PRKG1: variants seen among roughly 807,000 people sequenced by gnomAD.
The protein encoded by PRKG1 is protein kinase cGMP-dependent 1.
PRKG1 carries 35 observed loss-of-function variants against 88.1 expected under a neutral mutation model. The observed-to-expected ratio is 0.40, with a 90% CI of 0.30 to 0.53. The LOEUF (loss-of-function observed/expected upper bound fraction) is 0.53. PRKG1 is among the 20% of genes least tolerant of loss of function. The pLI, the probability that PRKG1 is intolerant of heterozygous loss-of-function variation, is 0.59. For missense variants in PRKG1, 540 were observed against 839.8 expected (o/e 0.64, Z 4.41); for synonymous variants, 303 against 292.5 (o/e 1.04, Z -0.37).
rs1056705680 is a variant in PRKG1, at chr10:51,652,233, C to T, written c.593-152352C>T. ...CCTTTGATAGTTAACGAAAGGATTC[C>T]GATATAATAGCACTAATGGAATGAT... On this transcript the variant is annotated intron_variant, in intron 3 of 17. Transcript: ENST00000373980. Among the ~76,000 whole-genome samples the T allele has an allele frequency of 5.9e-5, 9 of 151,324 alleles. No individual in the cohort carries two copies. In the South Asian group the frequency reaches 8.3e-4, roughly 14 times the overall value.
At chr10:51,119,459 G>C (rs1845210340) in intron 1 of PRKG1, among the ~76,000 whole-genome samples, 1 of 151,906 alleles carries the variant, frequency 6.6e-6, no homozygotes, top group Admixed American at 6.6e-5. Flanking sequence ...TAGACTCATG[G>C]TACAGATGTG....
intron 2 of PRKG1, among the ~76,000 whole-genome samples, chr10:51,368,137 T>C (rs921833778): frequency 1.3e-5 from 2 of 152,080 alleles, no homozygotes; most frequent in African/African-American, 4.8e-5. Flanking sequence ...CTAATATTCC[T>C]AGCTACAAAT....
chr10:51,982,049 T>C (rs1810864919), intron 5 of PRKG1, among the ~76,000 whole-genome samples: 1 of 152,222 alleles, frequency 6.6e-6, no homozygotes, highest in Non-Finnish European at 1.5e-5. Context: ...GACTGTCTTA[T>C]TTCAGAGAGC....
At chr10:51,852,675 T>C (rs763215976) in intron 4 of PRKG1, among the ~76,000 whole-genome samples, 20 of 152,144 alleles carry the variant, frequency 1.3e-4, no homozygotes, top group Non-Finnish European at 2.6e-4. Flanking sequence ...ATATATACCA[T>C]ATAAATTAAA....
intron 1 of PRKG1, among the ~76,000 whole-genome samples, chr10:51,116,976 G>A (rs1051764166): frequency 2.6e-5 from 4 of 152,168 alleles, no homozygotes; most frequent in Non-Finnish European, 4.4e-5. Flanking sequence ...GGAATCATAA[G>A]AGGGAATGGG....
intron 5 of PRKG1, among the ~76,000 whole-genome samples, chr10:51,934,326 T>C (rs761232311): frequency 2.0e-5 from 3 of 149,982 alleles, no homozygotes; most frequent in Non-Finnish European, 4.5e-5. Context: ...TCAGCCAAAG[T>C]GCAATGTGCA....
chr10:51,778,182 A>T (rs1488938204), intron 3 of PRKG1, among the ~76,000 whole-genome samples: 1 of 152,126 alleles, frequency 6.6e-6, no homozygotes, highest in Non-Finnish European at 1.5e-5. Flanking sequence ...ACAGATATAT[A>T]ATCTGGAATG....
chr10:51,941,642 C>T (rs542282599), intron 5 of PRKG1, among the ~76,000 whole-genome samples: 39 of 145,476 alleles, frequency 2.7e-4, no homozygotes, highest in African/African-American at 9.7e-4. Flanking sequence ...TGTGATGTTC[C>T]CCGTCCTGTG....
chr10:51,955,066 T>G (rs181145200), intron 5 of PRKG1, among the ~76,000 whole-genome samples: 44 of 152,116 alleles, frequency 2.9e-4, no homozygotes, highest in South Asian at 8.3e-4. Context: ...GTGTGTGTGT[T>G]TTTTAAAGGA....
intron 2 of PRKG1, among the ~76,000 whole-genome samples, chr10:51,274,499 C>A (rs755757784): frequency 8.5e-5 from 13 of 152,150 alleles, no homozygotes; most frequent in Non-Finnish European, 2.9e-5. Context: ...TCTCTCTGAG[C>A]CTTAGTTTCC....
intron 3 of PRKG1, among the ~76,000 whole-genome samples, chr10:51,516,594 T>G (rs1841593558): frequency 6.6e-6 from 1 of 152,132 alleles, no homozygotes; most frequent in Non-Finnish European, 1.5e-5. Flanking sequence ...GCTATCACAG[T>G]GACACTGCAT....
chr10:52,155,744 C>CAG (rs1462988734), intron 8 of PRKG1, among the ~76,000 whole-genome samples: 1 of 151,684 alleles, frequency 6.6e-6, no homozygotes, highest in African/African-American at 2.4e-5. Flanking sequence ...CACACACACA[C>CAG]ACACACACAC....
At position 52,280,795 on chromosome 10, in the gene PRKG1, G is replaced by A. The variant is rs777676771; in HGVS notation, c.1410G>A (p.Ser470=). ...ELWTILRDRG[S]FEDSTTRFYT... Reference sequence around the variant, plus strand: ...TTCCATTTCTGCACCTCAGAGGTTCGTTTGAAGATTCTACAACCAGATTTT... The same window carrying A: ...TTCCATTTCTGCACCTCAGAGGTTCATTTGAAGATTCTACAACCAGATTTT... Residue 470 remains serine (S), a synonymous_variant, in exon 13 of 18, where the codon TCG becomes TCA. Transcript: ENST00000373980. 5 of 1,612,220 alleles carry A rather than the reference G, an allele frequency of 3.1e-6. No homozygotes were observed. Among genetic ancestry groups the A allele is most frequent in the East Asian group, 4.5e-5 (2 of 44,848 alleles).
chr10:50,995,277 G>A (rs16912389), intron 1 of PRKG1, among the ~76,000 whole-genome samples: 4,239 of 152,262 alleles, frequency 0.028, 193 homozygotes, highest in African/African-American at 0.095. Flanking sequence ...TGTGTCCACA[G>A]AGGGTATAAT....
chr10:52,015,802 G>A (rs767622217), intron 5 of PRKG1, among the ~76,000 whole-genome samples: 1 of 152,110 alleles, frequency 6.6e-6, no homozygotes, highest in Non-Finnish European at 1.5e-5. Flanking sequence ...TGCCAGATAC[G>A]CTAAATTATC....
chr10:51,681,530 T>TA (rs990438318), intron 3 of PRKG1, among the ~76,000 whole-genome samples: 6 of 152,070 alleles, frequency 3.9e-5, no homozygotes, highest in Admixed American at 3.9e-4. Context: ...AGATGCTCCT[T>TA]AAAAAAACCC....
intron 8 of PRKG1, among the ~76,000 whole-genome samples, chr10:52,153,924 T>C (rs1838012144): frequency 6.6e-6 from 1 of 152,092 alleles, no homozygotes; most frequent in Admixed American, 6.6e-5. Context: ...TTTGTATTTC[T>C]AGTAGAGAAG....
chr10:51,395,827 T>C (rs1837561867), intron 2 of PRKG1, among the ~76,000 whole-genome samples: 1 of 152,124 alleles, frequency 6.6e-6, no homozygotes, highest in African/African-American at 2.4e-5. Flanking sequence ...AATATCGTGG[T>C]TGAATCTAAA....
chr10:51,792,858 T>C (rs1413077575), intron 3 of PRKG1, among the ~76,000 whole-genome samples: 1 of 152,068 alleles, frequency 6.6e-6, no homozygotes, highest in Non-Finnish European at 1.5e-5. Context: ...TAGAATGAAT[T>C]AAAATGCTTA....
Sources: allele counts gnomAD v4.1 joint callset (sites outside exome capture counted in the v4.1 genomes callset), GRCh38; gene constraint gnomAD v4.1.1; transcripts MANE v1.5; gene names NCBI Gene and HGNC (gene_info 2026-07-23, HGNC 2026-07-21).